The following NR3C2 variants were observed in gnomAD, a reference collection of about 807,000 sequenced individuals.
NR3C2 encodes mineralocorticoid receptor.
Under a neutral mutation model 86.4 loss-of-function variants are expected in NR3C2, and 15 were observed. That is an observed-to-expected ratio of 0.17 (90% CI 0.12 to 0.27). The LOEUF is 0.27. Ranked by LOEUF, NR3C2 falls within the 10% of genes least tolerant of loss-of-function variation. NR3C2 has a pLI of 1.00. For missense variants in NR3C2, 960 were observed against 1,195.6 expected (o/e 0.80, Z 2.91); for synonymous variants, 458 against 450.5 (o/e 1.02, Z -0.21).
intron 2 of NR3C2, among the ~76,000 whole-genome samples, chr4:148,310,148 A>G (rs564981884): frequency 6.6e-6 from 1 of 152,242 alleles, no homozygotes; most frequent in Admixed American, 6.5e-5. Flanking sequence ...TAAACTACTT[A>G]CATAGACTTA....
intron 2 of NR3C2, among the ~76,000 whole-genome samples, chr4:148,367,545 A>G (rs780981930): frequency 6.6e-6 from 1 of 152,196 alleles, no homozygotes; most frequent in Non-Finnish European, 1.5e-5. Flanking sequence ...ATAAACATAG[A>G]TATTAGCCTG....
intron 4 of NR3C2, among the ~76,000 whole-genome samples, chr4:148,156,103 A>T (rs999448943): frequency 6.6e-6 from 1 of 152,164 alleles, no homozygotes; most frequent in Non-Finnish European, 1.5e-5. Flanking sequence ...CCTTATACAA[A>T]AATTAATTCA....
chr4:148,415,543 A>G (rs1748949436), intron 2 of NR3C2, among the ~76,000 whole-genome samples: 1 of 152,222 alleles, frequency 6.6e-6, no homozygotes. Context: ...ATCTAGAAGC[A>G]GGCAAAAACC....
intron 2 of NR3C2, among the ~76,000 whole-genome samples, chr4:148,328,162 C>T (rs1340969516): frequency 6.6e-6 from 1 of 152,110 alleles, no homozygotes; most frequent in East Asian, 1.9e-4. Context: ...TGGCAGCAGC[C>T]GTGGGAGGAA....
Position 148,080,891 on chromosome 4 carries a change from T to TTTAA in NR3C2, c.*449_*452dup, listed in dbSNP as rs1294106688. 2.8e-6 allele frequency: 1 copy of TTTAA among 362,892 alleles called. No individual in the cohort carries two copies. The highest frequency in any genetic ancestry group is 7.7e-5 in the East Asian group (1 of 13,048). 22.5% of individuals were successfully genotyped at this position (362,892 alleles called of 1,614,324 possible). A position where few individuals can be genotyped will look rare whatever the true frequency, so the allele number is the denominator to read the frequency against. On this transcript the variant is annotated 3_prime_UTR_variant, in exon 9 of 9. Coordinates refer to ENST00000358102, the MANE Select transcript of NR3C2 (RefSeq NM_000901.5). ...TTTTTTTATTATTTTTTTGTGTTTT[T>TTTAA]TTAATAACAAAAGAATATTAATGCC...
At chr4:148,345,822 A>G (rs1744961691) in intron 2 of NR3C2, among the ~76,000 whole-genome samples, 1 of 152,074 alleles carries the variant, frequency 6.6e-6, no homozygotes, top group African/African-American at 2.4e-5. Context: ...CTTACTACAC[A>G]CTACACATAT....
chr4:148,381,302 C>A (rs1404082638), intron 2 of NR3C2, among the ~76,000 whole-genome samples: 3 of 151,866 alleles, frequency 2.0e-5, no homozygotes, highest in Non-Finnish European at 4.4e-5. Flanking sequence ...TATCTTATGG[C>A]AAAAGTAGTA....
intron 2 of NR3C2, among the ~76,000 whole-genome samples, chr4:148,313,054 T>C (rs957791787): frequency 6.6e-6 from 1 of 152,166 alleles, no homozygotes; most frequent in Admixed American, 6.5e-5. Flanking sequence ...AATTACTTGT[T>C]TAAATGACCC....
chr4:148,176,842 CT>C (rs1361486328), intron 4 of NR3C2, among the ~76,000 whole-genome samples: 5 of 152,130 alleles, frequency 3.3e-5, no homozygotes, highest in Admixed American at 3.3e-4. Context: ...TGTGATCCCC[CT>C]ATACAAATTA....
chr4:148,103,910 T>C (rs1731657215), intron 8 of NR3C2, among the ~76,000 whole-genome samples: 1 of 152,200 alleles, frequency 6.6e-6, no homozygotes, highest in Non-Finnish European at 1.5e-5. Flanking sequence ...TAGGCCATGC[T>C]TTTCCTTCAC....
intron 2 of NR3C2, among the ~76,000 whole-genome samples, chr4:148,408,039 C>A (rs1397375059): frequency 6.6e-6 from 1 of 152,158 alleles, no homozygotes. Flanking sequence ...CTTAGAAGAG[C>A]ACTCCCTCCC....
At chr4:148,261,167 T>C (rs62332039) in intron 2 of NR3C2, among the ~76,000 whole-genome samples, 20,678 of 152,172 alleles carry the variant, frequency 0.14, 1,684 homozygotes, top group Middle Eastern at 0.32. Flanking sequence ...GAAAGTGCTA[T>C]GGTGCACTAT....
intron 1 of NR3C2, among the ~76,000 whole-genome samples, chr4:148,437,877 T>G (rs1750153912): frequency 6.6e-6 from 1 of 152,220 alleles, no homozygotes; most frequent in Admixed American, 6.5e-5. Context: ...TTCAGATATA[T>G]AACCATATCC....
chr4:148,369,234 G>A (rs1241512226), intron 2 of NR3C2, among the ~76,000 whole-genome samples: 1 of 152,178 alleles, frequency 6.6e-6, no homozygotes, highest in Non-Finnish European at 1.5e-5. Context: ...CATTGCATTA[G>A]CGATTTTTTA....
chr4:148,322,910 C>T (rs1015119308), intron 2 of NR3C2, among the ~76,000 whole-genome samples: 22 of 141,736 alleles, frequency 1.6e-4, no homozygotes, highest in East Asian at 9.1e-4. Flanking sequence ...AGCTTTGTTC[C>T]GTTGCTGGTG....
At chr4:148,194,144 GA>G (rs752860343) in intron 4 of NR3C2, among the ~76,000 whole-genome samples, 34 of 152,090 alleles carry the variant, frequency 2.2e-4, no homozygotes, top group Non-Finnish European at 4.1e-4. Flanking sequence ...TAGGAACTTA[GA>G]ATAATCAATT....
At chr4:148,365,728 T>A (rs1746080974) in intron 2 of NR3C2, among the ~76,000 whole-genome samples, 1 of 138,698 alleles carries the variant, frequency 7.2e-6, no homozygotes, top group African/African-American at 2.7e-5. Context: ...TATCTATAAT[T>A]TCTATTAGCA....
At chr4:148,347,844 T>C (rs376908710) in intron 2 of NR3C2, among the ~76,000 whole-genome samples, 1 of 152,044 alleles carries the variant, frequency 6.6e-6, no homozygotes, top group African/African-American at 2.4e-5. Flanking sequence ...GTGGTTTATA[T>C]GGCTTACAAT....
chr4:148,347,577 C>T (rs990622737), intron 2 of NR3C2, among the ~76,000 whole-genome samples: 7 of 152,232 alleles, frequency 4.6e-5, no homozygotes, highest in East Asian at 3.9e-4. Flanking sequence ...AGTGTTCTCT[C>T]AAGATACGCT....
Sources: allele counts gnomAD v4.1 joint callset (sites outside exome capture counted in the v4.1 genomes callset), GRCh38; gene constraint gnomAD v4.1.1; transcripts MANE v1.5; gene names NCBI Gene and HGNC (gene_info 2026-07-23, HGNC 2026-07-21).